Variants in MALRD1 observed in about 807,000 individuals in gnomAD.
The protein encoded by MALRD1 is MAM and LDL receptor class A domain containing 1.
MALRD1 carries 247 observed loss-of-function variants against 242.1 expected under a neutral mutation model. The ratio of observed to expected loss-of-function variants is 1.02; its 90% CI spans 0.92 to 1.13. MALRD1 has a LOEUF of 1.13. Ranked by LOEUF, MALRD1 falls within the 50% of genes most tolerant of loss-of-function variation. MALRD1 has a pLI of 0.00. For missense variants in MALRD1, 2,989 were observed against 2,533.1 expected, an observed-to-expected ratio of 1.18 and a Z score of -3.86; for synonymous variants, 995 against 866.6, an observed-to-expected ratio of 1.15 and a Z score of -2.60.
chr10:19,722,916 A>G (rs937694092), intron 38 of MALRD1, among the ~76,000 whole-genome samples: 4 of 152,218 alleles, frequency 2.6e-5, no homozygotes, highest in African/African-American at 9.6e-5. Flanking sequence ...TAGGAGCCAT[A>G]TACTAATCAA....
At chr10:19,330,249 A>G (rs755114433) in intron 23 of MALRD1, among the ~76,000 whole-genome samples, 7 of 150,302 alleles carry the variant, frequency 4.7e-5, no homozygotes, top group Non-Finnish European at 7.4e-5. Context: ...TTTTTTTTTG[A>G]TAATGTGAGA....
At chr10:19,584,739 G>T (rs1837302736) in intron 33 of MALRD1, among the ~76,000 whole-genome samples, 1 of 151,938 alleles carries the variant, frequency 6.6e-6, no homozygotes, top group African/African-American at 2.4e-5. Flanking sequence ...TGTCTATTAG[G>T]TCCACTTGGT....
At chr10:19,491,760 T>G in intron 30 of MALRD1, 115 bp downstream of exon 30, 1 of 1,199,156 alleles carries the variant, frequency 8.3e-7, no homozygotes, top group Non-Finnish European at 1.1e-6. Context: ...TGCACTAGAG[T>G]AGATTTAGAA....
intron 19 of MALRD1, among the ~76,000 whole-genome samples, chr10:19,278,435 A>G (rs1425193732): frequency 6.8e-6 from 1 of 147,610 alleles, no homozygotes; most frequent in African/African-American, 2.5e-5. Context: ...TCTGGTATTC[A>G]TTCATCTGTC....
At position 19,705,230 on chromosome 10, in the gene MALRD1, C is replaced by T. The variant is rs79067179; in HGVS notation, c.6314+12676C>T. Among the ~76,000 whole-genome samples, 1,452 of 152,252 alleles carry T rather than the reference C, an allele frequency of 9.5e-3. 22 individuals are homozygous for T. Among genetic ancestry groups the T allele is most frequent in the African/African-American group, 0.028 (1,173 of 41,544 alleles). On this transcript the variant is annotated intron_variant, in intron 38 of 39. Coordinates refer to ENST00000454679, the MANE Select transcript of MALRD1 (RefSeq NM_001142308.3). ...GACATCCCTAGATAGGCCTAGTCTG[C>T]GCCCACCGATGAATATTTATCCTTA...
chr10:19,476,736 C>T (rs571847854), intron 29 of MALRD1, among the ~76,000 whole-genome samples: 2 of 152,256 alleles, frequency 1.3e-5, no homozygotes, highest in African/African-American at 4.8e-5. Flanking sequence ...GGACACCATT[C>T]CAGGCTGCAC....
chr10:19,282,324 C>T (rs944820854), intron 20 of MALRD1, among the ~76,000 whole-genome samples: 2 of 152,108 alleles, frequency 1.3e-5, no homozygotes, highest in African/African-American at 2.4e-5. Context: ...TCTAAATGGT[C>T]ATAGTGGTAT....
chr10:19,645,454 A>G (rs945763584), intron 36 of MALRD1, among the ~76,000 whole-genome samples: 1 of 152,204 alleles, frequency 6.6e-6, no homozygotes, highest in Non-Finnish European at 1.5e-5. Flanking sequence ...CGCTATTCAC[A>G]ATAGCAAAGA....
intron 35 of MALRD1, among the ~76,000 whole-genome samples, chr10:19,614,303 A>C (rs997533171): frequency 2.6e-5 from 4 of 152,002 alleles, no homozygotes; most frequent in Non-Finnish European, 4.4e-5. Context: ...AACTATACTA[A>C]GATGTCTATG....
rs780323457 is a variant in MALRD1 at position 19,453,907 on chromosome 10, A to G, written c.5029+3417A>G. ...AAAAAAAATTGAAAATTAAAACATA[A>G]GCCAAGCATTGTGGCTTGCGCCTGT... On this transcript the variant is annotated intron_variant, in intron 29 of 39. Transcript: ENST00000454679. 4.3e-4 allele frequency among the ~76,000 whole-genome samples: 65 copies of G among 152,008 alleles called. 1 individual carries two copies. Among genetic ancestry groups the G allele is most frequent in the Admixed American group, 2.0e-3 (31 of 15,254 alleles).
chr10:19,059,468 A>G (rs1590370672), intron 1 of MALRD1, among the ~76,000 whole-genome samples: 1 of 151,892 alleles, frequency 6.6e-6, no homozygotes, highest in Non-Finnish European at 1.5e-5. Context: ...GCTCACTGCA[A>G]CCTCTGCCTC....
intron 2 of MALRD1, among the ~76,000 whole-genome samples, chr10:19,075,786 C>T (rs1835298861): frequency 6.6e-6 from 1 of 152,096 alleles, no homozygotes; most frequent in Admixed American, 6.6e-5. Flanking sequence ...CTTACAGAAG[C>T]TGTGAGATAA....
At chr10:19,604,730 A>T (rs1838524884) in intron 34 of MALRD1, among the ~76,000 whole-genome samples, 1 of 152,194 alleles carries the variant, frequency 6.6e-6, no homozygotes, top group Non-Finnish European at 1.5e-5. Context: ...GCCTGGCTTA[A>T]CTAAAAACTA....
intron 23 of MALRD1, among the ~76,000 whole-genome samples, chr10:19,328,182 A>G (rs943228810): frequency 3.9e-5 from 6 of 152,158 alleles, no homozygotes; most frequent in African/African-American, 1.4e-4. Context: ...ACCTATACAT[A>G]TTAATAACTA....
intron 24 of MALRD1, among the ~76,000 whole-genome samples, chr10:19,331,844 C>G (rs2130923364): frequency 6.6e-6 from 1 of 152,118 alleles, no homozygotes; most frequent in South Asian, 2.1e-4. Flanking sequence ...CAAAGAAAAA[C>G]AGAATGGAAA....
chr10:19,391,373 T>C (rs906206971), intron 28 of MALRD1, among the ~76,000 whole-genome samples: 8 of 152,320 alleles, frequency 5.3e-5, no homozygotes, highest in African/African-American at 7.2e-5. Context: ...TAATAAGATA[T>C]GTATTTTCAA....
chr10:19,704,843 A>G (rs1175633711), intron 38 of MALRD1, among the ~76,000 whole-genome samples: 1 of 152,150 alleles, frequency 6.6e-6, no homozygotes, highest in East Asian at 1.9e-4. Context: ...GCTTGTTTAT[A>G]TTTCTGATAA....
At chr10:19,502,021 A>AAAAAG (rs538436241) in intron 31 of MALRD1, among the ~76,000 whole-genome samples, 1,288 of 114,104 alleles carry the variant, frequency 0.011, 27 homozygotes, top group Middle Eastern at 0.027. Context: ...TCAAAAAAAA[A>AAAAAG]AAAAGAAAAG....
At chr10:19,526,666 A>G (rs1214690340) in intron 31 of MALRD1, among the ~76,000 whole-genome samples, 1 of 152,150 alleles carries the variant, frequency 6.6e-6, no homozygotes. Flanking sequence ...AACTCAGCCC[A>G]GAGTCCCTTA....
Sources: allele counts gnomAD v4.1 joint callset (sites outside exome capture counted in the v4.1 genomes callset), GRCh38; gene constraint gnomAD v4.1.1; transcripts MANE v1.5; gene names NCBI Gene and HGNC (gene_info 2026-07-23, HGNC 2026-07-21).